CD3D: variants seen among roughly 807,000 people sequenced by gnomAD.
CD3D encodes CD3 delta subunit of T-cell receptor complex.
CD3D carries 22 observed loss-of-function variants against 22.0 expected under a neutral mutation model. That is an observed-to-expected ratio of 1.00 (90% CI 0.71 to 1.43). The LOEUF (loss-of-function observed/expected upper bound fraction) is 1.43, where lower values mean the gene tolerates loss of function less well. CD3D is among the 40% of genes most tolerant of loss of function. The probability of loss-of-function intolerance (pLI) is 0.00; values close to 1 mark genes in which losing one functional copy is unlikely to be tolerated. For synonymous variants in CD3D, 74 were observed against 81.2 expected, an observed-to-expected ratio of 0.91 and a Z score of 0.48; for missense variants, 205 against 211.7, an observed-to-expected ratio of 0.97 and a Z score of 0.20.
Position 118,340,434 on chromosome 11 carries a change from C to G in CD3D, c.215G>C (p.Arg72Thr). The G allele has an allele frequency of 6.2e-7, 1 of 1,613,996 alleles. No individual in the cohort carries two copies. The highest frequency in any genetic ancestry group is 8.5e-7 in the Non-Finnish European group (1 of 1,179,940). ...KRILDPRGIY[R>T]CNGTDIYKDK... is the part of the protein sequence containing the mutation. Reference sequence around the variant, plus strand: ...CTTGTATATATCTGTCCCATTACACCTATATATTCCTCGTGGGTCCAGGAT... The same window carrying G: ...CTTGTATATATCTGTCCCATTACACGTATATATTCCTCGTGGGTCCAGGAT... The change falls in exon 2 of 5, where the codon AGG becomes ACG. Residue 72 changes from arginine to threonine, a missense_variant. Transcript: ENST00000300692.
intron 1 of CD3D, chr11:118,340,954 A>G (rs1231060478): frequency 2.0e-6 from 1 of 511,838 alleles, no homozygotes; most frequent in East Asian, 5.3e-5. Context: ...GAAAGACAGA[A>G]GAACATTCCT....
At position 118,342,652 on chromosome 11, in the gene CD3D, T is replaced by A. The variant is rs750458615; in HGVS notation, c.-45A>T. Reference sequence around the variant, plus strand: ...AGTAGATAAAGCCAGGTCACCGAACTATCAGCCTGGGTGAGAGCTGCCCTC... The same window carrying A: ...AGTAGATAAAGCCAGGTCACCGAACAATCAGCCTGGGTGAGAGCTGCCCTC... On this transcript the variant is annotated 5_prime_UTR_variant, in exon 1 of 5. Coordinates refer to ENST00000300692, the MANE Select transcript of CD3D (RefSeq NM_000732.6). The A allele has an allele frequency of 1.9e-6, 3 of 1,570,562 alleles. No individual in the cohort carries two copies. The highest frequency in any genetic ancestry group is 2.6e-6 in the Non-Finnish European group (3 of 1,140,734).
Position 118,340,602 on chromosome 11 carries a change from G to A in CD3D, c.56-9C>T. 6.3e-7 allele frequency: 1 copy of A among 1,593,020 alleles called. No homozygotes were observed. The highest frequency in any genetic ancestry group is 8.6e-7 in the Non-Finnish European group (1 of 1,161,682). On this transcript the variant is annotated splice_polypyrimidine_tract_variant and intron_variant, in intron 1 of 4. Coordinates refer to ENST00000300692, the MANE Select transcript of CD3D (RefSeq NM_000732.6). ...TATCTTGAAGGGGCTCACTAAAGGG[G>A]AAAAAATATCACAGTTGGAGACAGC...
chr11:118,342,167 G>C (rs1469940348), intron 1 of CD3D, among the ~76,000 whole-genome samples: 1 of 147,684 alleles, frequency 6.8e-6, no homozygotes, highest in Non-Finnish European at 1.5e-5. Context: ...AGCTAGCACC[G>C]AGAAGCACTT....
intron 3 of CD3D, 36 bp downstream of exon 3, chr11:118,339,739 C>T: frequency 1.2e-6 from 2 of 1,609,288 alleles, no homozygotes; most frequent in Admixed American, 1.7e-5. Flanking sequence ...CACACACACA[C>T]ACAAACACAC....
At chr11:118,340,729 A>T in intron 1 of CD3D, 136 bp from the exon 2 acceptor site, 1 of 734,826 alleles carries the variant, frequency 1.4e-6, no homozygotes. Flanking sequence ...AGAGAGACAG[A>T]AGTCACAAGA....
chr11:118,342,655 C>T lies in CD3D; in HGVS notation c.-48G>A. ...AGATAAAGCCAGGTCACCGAACTAT[C>T]AGCCTGGGTGAGAGCTGCCCTCCCC... On this transcript the variant is annotated 5_prime_UTR_variant, in exon 1 of 5. Transcript: ENST00000300692. The T allele has an allele frequency of 6.4e-7, 1 of 1,555,904 alleles. No individual in the cohort carries two copies. Among genetic ancestry groups the T allele is most frequent in the South Asian group, 1.1e-5 (1 of 89,876 alleles).
Position 118,339,452 on chromosome 11 carries a change from TG to T in CD3D, c.448del (p.Gln150SerfsTer30), listed in dbSNP as rs1439142219. 1 of 1,613,964 alleles carries T rather than the reference TG, an allele frequency of 6.2e-7. No individual in the cohort carries two copies. Among genetic ancestry groups the T allele is most frequent in the Admixed American group, 1.7e-5 (1 of 59,998 alleles). ...QALLRNDQVY[Q>X]PLRDRDDAQY... The stretch of plus-strand genomic sequence containing the variant: ...TGCCTCCTTCCCCTCAACGCTCACC[TG>T]ATAGACCTGGTCATTCCTCAACAGA... On this transcript the variant is annotated frameshift_variant and splice_region_variant, in exon 4 of 5. Coordinates refer to ENST00000300692, the MANE Select transcript of CD3D (RefSeq NM_000732.6). LOFTEE classifies it high-confidence loss of function.
intron 2 of CD3D, 34 bp from the exon 3 acceptor site, chr11:118,339,940 G>A (rs780662457): frequency 1.7e-5 from 28 of 1,613,644 alleles, no homozygotes; most frequent in Non-Finnish European, 1.3e-5. Context: ...GAGAGGTTGA[G>A]AGCCTTTAAG....
At chr11:118,339,674 A>C (rs1183888021) in intron 3 of CD3D, 101 bp downstream of exon 3, 1 of 1,582,144 alleles carries the variant, frequency 6.3e-7, no homozygotes, top group Non-Finnish European at 8.6e-7. Context: ...ACCTACCACC[A>C]GCCCCATTCC....
Position 118,339,097 on chromosome 11 carries a change from T to C in CD3D, c.*65A>G, listed in dbSNP as rs1229108009. ...TGCTGAGTGAAAGAGGATATATTTA[T>C]TGGCTGAGCAAGAAGGGAAGGTACA... On this transcript the variant is annotated 3_prime_UTR_variant, in exon 5 of 5. Coordinates refer to ENST00000300692, the MANE Select transcript of CD3D (RefSeq NM_000732.6). 5 of 1,364,024 alleles carry C rather than the reference T, an allele frequency of 3.7e-6. No individual in the cohort carries two copies. Among genetic ancestry groups the C allele is most frequent in the Admixed American group, 3.3e-5 (2 of 59,702 alleles). The allele number at this position is 1,364,024 out of a possible 1,614,324, so 84.5% of individuals were successfully genotyped here. A position where few individuals can be genotyped will look rare whatever the true frequency, so the allele number is the denominator to read the frequency against.
At chr11:118,342,229 G>A (rs908143634) in intron 1 of CD3D, among the ~76,000 whole-genome samples, 2 of 151,586 alleles carry the variant, frequency 1.3e-5, no homozygotes, top group African/African-American at 4.9e-5. Context: ...GGAGGGCAGT[G>A]GCATGATCAC....
chr11:118,339,007 G>A (rs1368710355), downstream of CD3D: 19 of 755,424 alleles, frequency 2.5e-5, no homozygotes, highest in Admixed American at 5.3e-5. Context: ...GTAGGAGGGC[G>A]AGATCCCAAG....
chr11:118,339,908 T>C lies in CD3D; in HGVS notation c.275-2A>G, dbSNP rs958280126. ...CCAGCTCCACACAGCTCTGGCACAC[T>C]GTGGGGGAAGGGAGGAGAGAGGAGA... On this transcript the variant is annotated splice_acceptor_variant, in intron 2 of 4. Coordinates refer to ENST00000300692, the MANE Select transcript of CD3D (RefSeq NM_000732.6). LOFTEE classifies it high-confidence loss of function. The C allele has an allele frequency of 3.7e-6, 6 of 1,613,786 alleles. No homozygotes were observed. In the East Asian group the frequency reaches 8.9e-5, roughly 24 times the overall value.
chr11:118,339,739 C>G, intron 3 of CD3D, 36 bp downstream of exon 3: 1 of 1,609,286 alleles, frequency 6.2e-7, no homozygotes. Flanking sequence ...CACACACACA[C>G]ACAAACACAC....
At chr11:118,340,315 A>C (rs1043116514) in intron 2 of CD3D, 60 bp downstream of exon 2, 1 of 1,330,866 alleles carries the variant, frequency 7.5e-7, no homozygotes, top group African/African-American at 1.4e-5. Flanking sequence ...CTCTAGCCAG[A>C]AAGTTCTCAC....
intron 3 of CD3D, 66 bp downstream of exon 3, chr11:118,339,709 T>TACACACACACACAC (rs67065773): frequency 1.2e-5 from 19 of 1,539,254 alleles, no homozygotes; most frequent in Admixed American, 1.1e-4. Context: ...AGCTCACTGG[T>TACACACACACACAC]ACACACACAC....
Position 118,342,640 on chromosome 11 carries a change from A to AGGTCACCGAACTATCAGCCTG in CD3D, c.-54_-34dup. The AGGTCACCGAACTATCAGCCTG allele has an allele frequency of 6.2e-7, 1 of 1,602,824 alleles. No individual in the cohort carries two copies. Among genetic ancestry groups the AGGTCACCGAACTATCAGCCTG allele is most frequent in the African/African-American group, 1.3e-5 (1 of 74,800 alleles). On this transcript the variant is annotated 5_prime_UTR_variant, in exon 1 of 5. Coordinates refer to ENST00000300692, the MANE Select transcript of CD3D (RefSeq NM_000732.6). ...CGGAACTCATCCAGTAGATAAAGCCAGGTCACCGAACTATCAGCCTGGGTG... is the reference window on the plus strand; with the variant it reads ...CGGAACTCATCCAGTAGATAAAGCCAGGTCACCGAACTATCAGCCTGGGTCACCGAACTATCAGCCTGGGTG...
At position 118,340,400 on chromosome 11, in the gene CD3D, T is replaced by C; in HGVS notation, c.249A>G (p.Glu83=). 4 of 1,614,062 alleles carry C rather than the reference T, an allele frequency of 2.5e-6. No homozygotes were observed. In the South Asian group the frequency reaches 3.3e-5, roughly 13 times the overall value. Residue 83 remains glutamate, a synonymous_variant, in exon 2 of 5, where the codon GAA becomes GAG. Coordinates refer to ENST00000300692, the MANE Select transcript of CD3D (RefSeq NM_000732.6). The part of the protein sequence containing the change: ...CNGTDIYKDK[E]STVQVHYRMC... ...TTCGATAATGAACTTGCACGGTAGA[T>C]TCTTTGTCCTTGTATATATCTGTCC...
Sources: gnomAD v4.1 joint callset for allele counts (sites outside exome capture counted in the v4.1 genomes callset) on GRCh38, gnomAD v4.1.1 for gene constraint, MANE v1.5 for transcripts, NCBI Gene and HGNC (gene_info 2026-07-23, HGNC 2026-07-21) for gene names.